The following HSD17B12 variants were observed in gnomAD, a reference collection of about 807,000 sequenced individuals.
HSD17B12 encodes hydroxysteroid 17-beta dehydrogenase 12.
HSD17B12 carries 32 observed loss-of-function variants against 39.3 expected under a neutral mutation model. The ratio of observed to expected loss-of-function variants is 0.81; its 90% confidence interval spans 0.61 to 1.09. The LOEUF is 1.09. Among genes scored for constraint, HSD17B12 ranks in the 50% least tolerant of loss-of-function variants. The pLI is 0.00. For synonymous variants in HSD17B12, 150 were observed against 146.7 expected, an observed-to-expected ratio of 1.02 and a Z score of -0.16; for missense variants, 342 against 382.9, an observed-to-expected ratio of 0.89 and a Z score of 0.89.
intron 3 of HSD17B12, among the ~76,000 whole-genome samples, chr11:43,791,845 C>A (rs1395159640): frequency 5.3e-5 from 8 of 152,112 alleles, no homozygotes; most frequent in African/African-American, 1.9e-4. Flanking sequence ...AATATAATAA[C>A]CTTGGCTTAA....
rs1243303584 is a variant in HSD17B12, at chr11:43,831,120, C to T, written c.536+110C>T. ...TGAAGTGACTAATGAACCAAGCCTC[C>T]ATGTCTTAGCCACAGAGTGATGTAC... On this transcript the variant is annotated intron_variant, in intron 7 of 10. Coordinates refer to ENST00000278353, the MANE Select transcript of HSD17B12 (RefSeq NM_016142.3). This position sits in a 1 kb window ranked among gnomAD's most constrained non-coding sequence, Gnocchi z 4.1. 4.1e-6 allele frequency: 4 copies of T among 973,974 alleles called. No homozygotes were observed. Among genetic ancestry groups the T allele is most frequent in the Non-Finnish European group, 6.2e-6 (4 of 646,852 alleles). 60.3% of individuals were successfully genotyped at this position (973,974 alleles called of 1,614,324 possible). A position where few individuals can be genotyped will look rare whatever the true frequency, so the allele number is the denominator to read the frequency against.
At chr11:43,806,363 A>G (rs1252455056) in intron 4 of HSD17B12, 1 of 152,184 alleles carries the variant, frequency 6.6e-6, no homozygotes, top group East Asian at 1.9e-4. Context: ...AAGAAACTCA[A>G]TATATTGAAG....
chr11:43,855,289 A>G lies in HSD17B12; in HGVS notation c.*41A>G, dbSNP rs769508734. Reference sequence around the variant, plus strand: ...TTGTAACTTGGCCAGATGCTCCAGCATATGCACGTTCACTGCAAAGCACCC... The same window carrying G: ...TTGTAACTTGGCCAGATGCTCCAGCGTATGCACGTTCACTGCAAAGCACCC... On this transcript the variant is annotated 3_prime_UTR_variant, in exon 11 of 11. Coordinates refer to ENST00000278353, the MANE Select transcript of HSD17B12 (RefSeq NM_016142.3). The G allele has an allele frequency of 6.3e-6, 8 of 1,274,532 alleles. No individual in the cohort carries two copies. The East Asian group carries it at 1.7e-4, about 26-fold the overall frequency. The allele number at this position is 1,274,532 out of a possible 1,614,324, so 79.0% of individuals were successfully genotyped here.
intron 1 of HSD17B12, among the ~76,000 whole-genome samples, chr11:43,694,997 T>C (rs964225084): frequency 2.6e-5 from 4 of 151,848 alleles, no homozygotes; most frequent in African/African-American, 9.7e-5. Context: ...CCTGGTCTAG[T>C]AGAGATGGTG....
chr11:43,564,493 G>A, the HSD17B12 span, among the ~76,000 whole-genome samples: 2 of 152,144 alleles, frequency 1.3e-5, no homozygotes, highest in Non-Finnish European at 2.9e-5. Context: ...ACATTAACTT[G>A]CTAGTTTATA....
intron 6 of HSD17B12, chr11:43,830,768 T>C (rs1951300755): frequency 2.5e-6 from 1 of 397,522 alleles, no homozygotes; most frequent in Non-Finnish European, 4.5e-6. Flanking sequence ...AAGTATTCCC[T>C]GTGTTCTCTC....
At chr11:43,562,616 C>T in the HSD17B12 span, among the ~76,000 whole-genome samples, 1 of 152,160 alleles carries the variant, frequency 6.6e-6, no homozygotes, top group Non-Finnish European at 1.5e-5. Flanking sequence ...GACTTGGGAA[C>T]ATCTTATGAG....
At chr11:43,824,339 G>C (rs1951211459) in intron 6 of HSD17B12, among the ~76,000 whole-genome samples, 1 of 152,224 alleles carries the variant, frequency 6.6e-6, no homozygotes, top group Non-Finnish European at 1.5e-5. Flanking sequence ...TGAAGGACTA[G>C]AATGACATCG....
the HSD17B12 span, among the ~76,000 whole-genome samples, chr11:43,667,061 T>C: frequency 6.6e-6 from 1 of 152,260 alleles, no homozygotes; most frequent in African/African-American, 2.4e-5. Flanking sequence ...CAATTCTTGT[T>C]TCTACAAATG....
chr11:43,607,885 T>C, the HSD17B12 span, among the ~76,000 whole-genome samples: 585 of 152,182 alleles, frequency 3.8e-3, 5 homozygotes, highest in African/African-American at 0.013. Context: ...GGCTATAAGA[T>C]GCAGTTGTGA....
the HSD17B12 span, chr11:43,670,266 G>C: frequency 6.6e-6 from 1 of 152,194 alleles, no homozygotes; most frequent in South Asian, 2.1e-4. Context: ...AGCAAATGTG[G>C]GAATGAAGGT....
chr11:43,722,540 T>C (rs1414564083), intron 1 of HSD17B12, among the ~76,000 whole-genome samples: 1 of 151,610 alleles, frequency 6.6e-6, no homozygotes, highest in African/African-American at 2.4e-5. Flanking sequence ...AGTGAGCTCT[T>C]GTCTCTACAA....
At chr11:43,674,107 G>T in the HSD17B12 span, among the ~76,000 whole-genome samples, 582 of 152,280 alleles carry the variant, frequency 3.8e-3, 2 homozygotes, top group Non-Finnish European at 6.7e-3. Flanking sequence ...ATCAGGATCT[G>T]GTTCCAGATT....
At chr11:43,700,577 AAC>A (rs1355426626) in intron 1 of HSD17B12, among the ~76,000 whole-genome samples, 1 of 152,126 alleles carries the variant, frequency 6.6e-6, no homozygotes, top group African/African-American at 2.4e-5. Context: ...TAAGTAAGAG[AAC>A]ACACAATGTT....
chr11:43,619,683 T>C, the HSD17B12 span, among the ~76,000 whole-genome samples: 2 of 152,110 alleles, frequency 1.3e-5, no homozygotes. Context: ...TGAGCCACCA[T>C]GCCCAGCCAC....
chr11:43,808,613 C>T (rs1951041122), intron 4 of HSD17B12, among the ~76,000 whole-genome samples: 1 of 152,170 alleles, frequency 6.6e-6, no homozygotes, highest in Admixed American at 6.5e-5. Flanking sequence ...TCTTCATTCC[C>T]TCTTCCAATT....
chr11:43,664,179 A>G, the HSD17B12 span, among the ~76,000 whole-genome samples: 1 of 152,134 alleles, frequency 6.6e-6, no homozygotes, highest in Non-Finnish European at 1.5e-5. Context: ...AGGGAGGCAG[A>G]GGTTACAGGC....
At chr11:43,703,161 T>C (rs1590673684) in intron 1 of HSD17B12, among the ~76,000 whole-genome samples, 1 of 152,232 alleles carries the variant, frequency 6.6e-6, no homozygotes, top group Non-Finnish European at 1.5e-5. Flanking sequence ...TGGTACTAGG[T>C]CATTTTTAAA....
chr11:43,706,689 G>GCTGTGTGTGTGT (rs1554961260), intron 1 of HSD17B12, among the ~76,000 whole-genome samples: 22 of 137,820 alleles, frequency 1.6e-4, no homozygotes, highest in Admixed American at 1.3e-3. Context: ...TGAATGAAGG[G>GCTGTGTGTGTGT]GTGTGTGTGT....
Sources: allele counts gnomAD v4.1 joint callset (sites outside exome capture counted in the v4.1 genomes callset), GRCh38; gene constraint gnomAD v4.1.1; non-coding constraint Gnocchi (gnomAD v3.1); transcripts MANE v1.5; gene names NCBI Gene and HGNC (gene_info 2026-07-23, HGNC 2026-07-21).